FBXL2: variants seen among roughly 807,000 people sequenced by gnomAD.
FBXL2 encodes F-box/LRR-repeat protein 2.
A neutral mutation model predicts 69.2 loss-of-function variants in FBXL2; 38 were observed. That is an observed-to-expected ratio of 0.55 (90% CI 0.42 to 0.72). FBXL2 has a LOEUF of 0.72. Among genes scored for constraint, FBXL2 ranks in the 30% least tolerant of loss-of-function variants. FBXL2 has a pLI of 0.00. For synonymous variants in FBXL2, 192 were observed against 201.3 expected (o/e 0.95, Z 0.39); for missense variants, 354 against 520.3 (o/e 0.68, Z 3.11).
At chr3:33,415,809 A>G in the FBXL2 span, among the ~76,000 whole-genome samples, 1 of 152,090 alleles carries the variant, frequency 6.6e-6, no homozygotes, top group Non-Finnish European at 1.5e-5. Flanking sequence ...GAGAAAGCAC[A>G]TTGCTGAATA....
At chr3:33,348,317 T>C (rs1377661683) in intron 2 of FBXL2, among the ~76,000 whole-genome samples, 2 of 151,854 alleles carry the variant, frequency 1.3e-5, no homozygotes, top group Non-Finnish European at 3.0e-5. Context: ...GAACTTTGAG[T>C]TTATTATAGG....
At chr3:33,296,798 G>A (rs1333652585) in intron 1 of FBXL2, among the ~76,000 whole-genome samples, 1 of 152,068 alleles carries the variant, frequency 6.6e-6, no homozygotes, top group Non-Finnish European at 1.5e-5. Flanking sequence ...CTGTAGCTTT[G>A]TAGTAAATTT....
At chr3:33,312,079 C>T (rs1453681402) in intron 2 of FBXL2, among the ~76,000 whole-genome samples, 1 of 151,970 alleles carries the variant, frequency 6.6e-6, no homozygotes, top group African/African-American at 2.4e-5. Context: ...TATTTTGAGA[C>T]AGGGTCTCAC....
chr3:33,289,021 A>G lies in FBXL2; in HGVS notation c.4-8643A>G, dbSNP rs937526661. On this transcript the variant is annotated intron_variant, in intron 1 of 14. Transcript: ENST00000484457. ...GAAGAAGGAACTGCCATTTGCTGAG[A>G]TGAAGACCATGGAAGGAGAAAGTTT... Among the ~76,000 whole-genome samples the G allele has an allele frequency of 2.0e-5, 3 of 152,260 alleles. No homozygotes were observed. The East Asian group carries it at 5.8e-4, about 29-fold the overall frequency.
At chr3:33,390,692 A>G (rs947839021), downstream of FBXL2, 3 of 317,390 alleles carry the variant, frequency 9.5e-6, no homozygotes, top group Non-Finnish European at 1.7e-5. Flanking sequence ...AAGAGCTAGA[A>G]GGAGAACAGG....
chr3:33,362,497 A>C (rs2041694914), intron 4 of FBXL2, among the ~76,000 whole-genome samples: 1 of 151,850 alleles, frequency 6.6e-6, no homozygotes, highest in Non-Finnish European at 1.5e-5. Context: ...TCCCCCTCTT[A>C]GTTGGAAACA....
intron 2 of FBXL2, among the ~76,000 whole-genome samples, chr3:33,329,883 GA>G (rs1274224296): frequency 6.6e-6 from 1 of 152,122 alleles, no homozygotes; most frequent in African/African-American, 2.4e-5. Context: ...GCTGAAGTGG[GA>G]GGATCAGTTA....
chr3:33,400,741 G>A (rs549434110), intron 12 of FBXL2, among the ~76,000 whole-genome samples: 2 of 152,106 alleles, frequency 1.3e-5, no homozygotes, highest in African/African-American at 4.8e-5. Flanking sequence ...CAATAAAACA[G>A]AAGGAGTAAA....
At chr3:33,381,838 C>G (rs1351415642) in intron 13 of FBXL2, among the ~76,000 whole-genome samples, 2 of 152,118 alleles carry the variant, frequency 1.3e-5, no homozygotes. Context: ...TACATAAATA[C>G]TATTTGATGT....
chr3:33,334,939 CA>C (rs1456297092), intron 2 of FBXL2, among the ~76,000 whole-genome samples: 6 of 150,816 alleles, frequency 4.0e-5, no homozygotes, highest in African/African-American at 1.5e-4. Context: ...CTCCCCCCAC[CA>C]AAAAAAATAT....
At position 33,280,374 on chromosome 3, in the gene FBXL2, C is replaced by T. The variant is rs188860073; in HGVS notation, c.3+2859C>T. ...AAAAAATGTATTCTCTGAGATTTTC[C>T]TAATTTTTAGATTTTAGTTTCATAT... On this transcript the variant is annotated intron_variant, in intron 1 of 14. Coordinates refer to ENST00000484457, the MANE Select transcript of FBXL2 (RefSeq NM_012157.5). Among the ~76,000 whole-genome samples, 5 of 152,264 alleles carry T rather than the reference C, an allele frequency of 3.3e-5. No homozygotes were observed. The East Asian group carries it at 9.6e-4, about 29-fold the overall frequency.
chr3:33,338,979 G>T (rs1197960680), intron 2 of FBXL2, among the ~76,000 whole-genome samples: 1 of 152,068 alleles, frequency 6.6e-6, no homozygotes, highest in Non-Finnish European at 1.5e-5. Flanking sequence ...TATCAACAGA[G>T]TAAACAGACA....
intron 13 of FBXL2, 163 bp downstream of exon 13, chr3:33,378,904 G>T: frequency 7.6e-7 from 1 of 1,318,776 alleles, no homozygotes; most frequent in Non-Finnish European, 1.0e-6. Flanking sequence ...CTAAATATTT[G>T]ATTACTGCTT....
chr3:33,406,659 T>C (rs528638325), downstream of FBXL2, among the ~76,000 whole-genome samples: 2 of 152,346 alleles, frequency 1.3e-5, no homozygotes, highest in Non-Finnish European at 2.9e-5. Context: ...TAGATTCTTC[T>C]AACATTCGAA....
chr3:33,279,002 G>T (rs2033651910), intron 1 of FBXL2, among the ~76,000 whole-genome samples: 2 of 151,918 alleles, frequency 1.3e-5, no homozygotes, highest in African/African-American at 2.4e-5. Context: ...CACTTCTTTC[G>T]TTCTGACCCA....
downstream of FBXL2, among the ~76,000 whole-genome samples, chr3:33,403,974 G>A (rs1047207853): frequency 2.6e-5 from 4 of 152,250 alleles, no homozygotes; most frequent in East Asian, 1.9e-4. Context: ...GGCTGGACAC[G>A]GTGACTCATG....
At chr3:33,286,314 G>T (rs778357793) in intron 1 of FBXL2, among the ~76,000 whole-genome samples, 1 of 152,200 alleles carries the variant, frequency 6.6e-6, no homozygotes, top group Non-Finnish European at 1.5e-5. Context: ...TCCAGACCCT[G>T]TTTGCCTGGG....
At chr3:33,278,862 A>G (rs1328276279) in intron 1 of FBXL2, among the ~76,000 whole-genome samples, 1 of 152,230 alleles carries the variant, frequency 6.6e-6, no homozygotes, top group Non-Finnish European at 1.5e-5. Flanking sequence ...AATTTACTGT[A>G]ATATGTTATA....
At chr3:33,384,575 A>C (rs1559649498) in intron 14 of FBXL2, among the ~76,000 whole-genome samples, 2 of 152,092 alleles carry the variant, frequency 1.3e-5, no homozygotes. Context: ...TAAATCGATC[A>C]ATCAACACTC....
Sources: gnomAD v4.1 joint callset for allele counts (sites outside exome capture counted in the v4.1 genomes callset) on GRCh38, gnomAD v4.1.1 for gene constraint, MANE v1.5 for transcripts, NCBI Gene and HGNC (gene_info 2026-07-23, HGNC 2026-07-21) for gene names.